GABRA2: variants seen among roughly 807,000 people sequenced by gnomAD.
The protein encoded by GABRA2 is gamma-aminobutyric acid type A receptor subunit alpha2.
GABRA2 carries 16 observed loss-of-function variants against 48.7 expected under a neutral mutation model. The observed-to-expected ratio is 0.33, with a 90% CI of 0.22 to 0.50. The LOEUF is 0.50. GABRA2 is among the 20% of genes least tolerant of loss of function. GABRA2 has a pLI of 0.98. For missense variants in GABRA2, 275 were observed against 535.6 expected, an observed-to-expected ratio of 0.51 and a Z score of 4.80; for synonymous variants, 185 against 184.5, an observed-to-expected ratio of 1.00 and a Z score of -0.02.
At chr4:46,303,633 G>C in intron 7 of GABRA2, 21 bp from the exon 8 acceptor site, 4 of 1,604,852 alleles carry the variant, frequency 2.5e-6, no homozygotes, top group Non-Finnish European at 3.4e-6. Context: ...AATTTAAGAA[G>C]CTCAAGGAGT....
rs1435564902 is a variant in GABRA2 at position 46,384,714 on chromosome 4, A to T, written c.187+1360T>A. ...ATTATGGGAACCTTACTTCTTACTTACTAGGCTTACTTCTCTTATACAAGT... is the reference window on the plus strand; with the variant it reads ...ATTATGGGAACCTTACTTCTTACTTTCTAGGCTTACTTCTCTTATACAAGT... On this transcript the variant is annotated intron_variant, in intron 3 of 9. Coordinates refer to ENST00000381620, the MANE Select transcript of GABRA2 (RefSeq NM_000807.4). Among the ~76,000 whole-genome samples, 3 of 152,316 alleles carry T rather than the reference A, an allele frequency of 2.0e-5. No homozygotes were observed. The East Asian group carries it at 5.8e-4, about 29-fold the overall frequency.
Position 46,257,898 on chromosome 4 carries a change from G to A in GABRA2, c.1059+4028C>T, listed in dbSNP as rs150006757. Among the ~76,000 whole-genome samples the A allele has an allele frequency of 5.2e-3, 793 of 151,854 alleles. 7 individuals are homozygous for A. Among genetic ancestry groups the A allele is most frequent in the Middle Eastern group, 0.037 (11 of 294 alleles). ...ATACTTCCAAGTTGTTGGCTTATAA[G>A]ATTAGGTTGTGGCATTAACTGAAGT... On this transcript the variant is annotated intron_variant, in intron 9 of 9. Transcript: ENST00000381620.
chr4:46,294,582 C>T (rs1724276599), intron 8 of GABRA2, among the ~76,000 whole-genome samples: 1 of 152,192 alleles, frequency 6.6e-6, no homozygotes, highest in Non-Finnish European at 1.5e-5. Context: ...GTAAGCTGCT[C>T]TGCCACTTGG....
At chr4:46,250,968 T>C (rs1048807037) in intron 9 of GABRA2, among the ~76,000 whole-genome samples, 2 of 151,576 alleles carry the variant, frequency 1.3e-5, no homozygotes, top group African/African-American at 2.4e-5. Context: ...AGAAATATTT[T>C]AACAAGAGGA....
At chr4:46,331,989 C>T (rs1364854071) in intron 4 of GABRA2, among the ~76,000 whole-genome samples, 1 of 152,092 alleles carries the variant, frequency 6.6e-6, no homozygotes, top group Non-Finnish European at 1.5e-5. Context: ...TCCCAAATTG[C>T]TGCAATTACA....
At chr4:46,304,686 T>C (rs1372202888) in intron 7 of GABRA2, among the ~76,000 whole-genome samples, 1 of 151,888 alleles carries the variant, frequency 6.6e-6, no homozygotes, top group Non-Finnish European at 1.5e-5. Flanking sequence ...TCCCAGCACT[T>C]TGGGAGGCCG....
At chr4:46,384,844 T>C (rs1717230037) in intron 3 of GABRA2, among the ~76,000 whole-genome samples, 1 of 152,070 alleles carries the variant, frequency 6.6e-6, no homozygotes, top group Admixed American at 6.6e-5. Flanking sequence ...TTCCTTTTTA[T>C]TTTTCCTATT....
intron 4 of GABRA2, among the ~76,000 whole-genome samples, chr4:46,328,729 C>A (rs1017900862): frequency 6.6e-6 from 1 of 152,008 alleles, no homozygotes; most frequent in African/African-American, 2.4e-5. Flanking sequence ...GCTGCACCCA[C>A]TAACTCGTCA....
In GABRA2 at chr4:46,245,994, AAAC is replaced by A. The variant is rs900820770; in HGVS notation, c.*4311_*4313del. Among the ~76,000 whole-genome samples, 2 of 151,256 alleles carry A rather than the reference AAAC, an allele frequency of 1.3e-5. No individual in the cohort carries two copies. The highest frequency in any genetic ancestry group is 2.4e-5 in the African/African-American group (1 of 41,410). On this transcript the variant is annotated 3_prime_UTR_variant, in exon 10 of 10. Coordinates refer to ENST00000381620, the MANE Select transcript of GABRA2 (RefSeq NM_000807.4). ...TTGATAATTAAGAATTTTAGCAAAA[AAAC>A]AAAATTATGATATATAATATTTATA...
chr4:46,245,361 C>T lies in GABRA2; in HGVS notation c.*4947G>A, dbSNP rs1053283402. ...GCTTACACAAGCCTCCGTTGAGAAA[C>T]CTGGCATTCAAAGATGTTTCTATTC... On this transcript the variant is annotated 3_prime_UTR_variant, in exon 10 of 10. Transcript: ENST00000381620. Among the ~76,000 whole-genome samples, 1 of 151,108 alleles carries T rather than the reference C, an allele frequency of 6.6e-6. No homozygotes were observed. Among genetic ancestry groups the T allele is most frequent in the Non-Finnish European group, 1.5e-5 (1 of 67,426 alleles).
chr4:46,248,527 T>C lies in GABRA2; in HGVS notation c.*1781A>G, dbSNP rs536625365. 5 of 151,558 alleles carry C rather than the reference T, an allele frequency of 3.3e-5. No homozygotes were observed. The highest frequency in any genetic ancestry group is 1.2e-4 in the African/African-American group (5 of 41,494). The allele number at this position is 151,558 out of a possible 1,614,324, so 9.4% of individuals were successfully genotyped here. On this transcript the variant is annotated 3_prime_UTR_variant, in exon 10 of 10. Coordinates refer to ENST00000381620, the MANE Select transcript of GABRA2 (RefSeq NM_000807.4). ...GGAATTTTTAATGTCAAGGCTGTCT[T>C]CTTGGCAAATTCCGTTAATAAGTTG...
chr4:46,314,022 T>C (rs560905350), intron 4 of GABRA2, among the ~76,000 whole-genome samples: 24 of 152,242 alleles, frequency 1.6e-4, no homozygotes, highest in African/African-American at 5.8e-4. Context: ...GAGTAGCAAA[T>C]GAACAGAGGC....
chr4:46,372,672 T>G (rs1254259821), intron 3 of GABRA2, among the ~76,000 whole-genome samples: 1 of 152,190 alleles, frequency 6.6e-6, no homozygotes, highest in East Asian at 1.9e-4. Flanking sequence ...ATGATAATTC[T>G]TCTCTTACCT....
At chr4:46,385,766 G>A (rs1717362056) in intron 3 of GABRA2, among the ~76,000 whole-genome samples, 1 of 152,006 alleles carries the variant, frequency 6.6e-6, no homozygotes, top group East Asian at 1.9e-4. Context: ...ACTTTCATAT[G>A]TATATCTGCT....
At chr4:46,344,110 C>T (rs1341326462) in intron 3 of GABRA2, among the ~76,000 whole-genome samples, 1 of 151,804 alleles carries the variant, frequency 6.6e-6, no homozygotes, top group Non-Finnish European at 1.5e-5. Context: ...TTGGAATACA[C>T]ACCAAGAAAT....
chr4:46,289,186 CG>C (rs201380420), intron 8 of GABRA2, among the ~76,000 whole-genome samples: 1,824 of 152,232 alleles, frequency 0.012, 39 homozygotes, highest in African/African-American at 0.042. Context: ...CCATTTGTCC[CG>C]TAAGCTCATT....
intron 3 of GABRA2, among the ~76,000 whole-genome samples, chr4:46,350,638 A>C (rs1734962053): frequency 6.6e-6 from 1 of 151,844 alleles, no homozygotes; most frequent in South Asian, 2.1e-4. Flanking sequence ...TTAAATCTGA[A>C]ACTTCCAAAG....
At chr4:46,290,408 A>G (rs1472758246) in intron 8 of GABRA2, among the ~76,000 whole-genome samples, 2 of 125,558 alleles carry the variant, frequency 1.6e-5, no homozygotes, top group Non-Finnish European at 3.7e-5. Context: ...CTCTTAACGT[A>G]GAATGTCTAT....
chr4:46,377,588 C>T (rs1715991341), intron 3 of GABRA2, among the ~76,000 whole-genome samples: 1 of 151,706 alleles, frequency 6.6e-6, no homozygotes, highest in South Asian at 2.1e-4. Context: ...GCAGCCACCT[C>T]GTCCGGCAGG....
Sources: allele counts gnomAD v4.1 joint callset (sites outside exome capture counted in the v4.1 genomes callset), GRCh38; gene constraint gnomAD v4.1.1; transcripts MANE v1.5; gene names NCBI Gene and HGNC (gene_info 2026-07-23, HGNC 2026-07-21).